Variants in DSE observed in about 807,000 individuals in gnomAD.
DSE encodes dermatan sulfate epimerase.
A neutral mutation model predicts 84.4 loss-of-function variants in DSE; 36 were observed. That is an observed-to-expected ratio of 0.43 (90% CI 0.33 to 0.56). The LOEUF (loss-of-function observed/expected upper bound fraction) is 0.56, where lower values mean the gene tolerates loss of function less well. Among genes scored for constraint, DSE ranks in the 20% least tolerant of loss-of-function variants. DSE has a pLI of 0.06. For missense variants in DSE, 862 were observed against 1,169.6 expected, an observed-to-expected ratio of 0.74 and a Z score of 3.84; for synonymous variants, 410 against 430.1, an observed-to-expected ratio of 0.95 and a Z score of 0.58.
At chr6:116,285,412 G>A (rs1773830159) in intron 2 of DSE, among the ~76,000 whole-genome samples, 1 of 152,098 alleles carries the variant, frequency 6.6e-6, no homozygotes, top group African/African-American at 2.4e-5. Context: ...TGTAGATTCT[G>A]GATACTAGCC....
At chr6:116,386,622 C>G (rs1235865869) in intron 1 of DSE, among the ~76,000 whole-genome samples, 2 of 152,310 alleles carry the variant, frequency 1.3e-5, no homozygotes, top group East Asian at 3.9e-4. Flanking sequence ...TTAGATGTGA[C>G]TGACTTCAGC....
At chr6:116,342,033 A>G (rs986412194) in intron 2 of DSE, among the ~76,000 whole-genome samples, 2 of 152,178 alleles carry the variant, frequency 1.3e-5, no homozygotes, top group African/African-American at 4.8e-5. Context: ...AGTTATTTGA[A>G]TGAAATAGAG....
intron 2 of DSE, among the ~76,000 whole-genome samples, chr6:116,281,435 A>G (rs1436260161): frequency 6.6e-6 from 1 of 152,208 alleles, no homozygotes; most frequent in East Asian, 1.9e-4. Flanking sequence ...CCTTGGATTA[A>G]GGTTTGGTTG....
intron 2 of DSE, among the ~76,000 whole-genome samples, chr6:116,414,850 A>G (rs1782596867): frequency 6.7e-6 from 1 of 149,774 alleles, no homozygotes; most frequent in African/African-American, 2.5e-5. Context: ...TAAGTTTTTT[A>G]TATGGTTATC....
At chr6:116,369,902 A>G, upstream of DSE, 1 of 1,289,278 alleles carries the variant, frequency 7.8e-7, no homozygotes, top group Non-Finnish European at 1.0e-6. Context: ...TGCTCCCAGT[A>G]AAATATCTCT....
intron 2 of DSE, among the ~76,000 whole-genome samples, chr6:116,420,055 G>A (rs17077944): frequency 0.011 from 1,722 of 152,262 alleles, 35 homozygotes; most frequent in African/African-American, 0.04. Flanking sequence ...GTTCTGAAAA[G>A]TACTAGGAAA....
At chr6:116,381,461 T>G (rs1287876285) in intron 1 of DSE, among the ~76,000 whole-genome samples, 1 of 152,126 alleles carries the variant, frequency 6.6e-6, no homozygotes, top group East Asian at 1.9e-4. Flanking sequence ...ATGGTGACTT[T>G]ATGATTTGTA....
intron 1 of DSE, among the ~76,000 whole-genome samples, chr6:116,382,117 A>G (rs928924352): frequency 6.6e-6 from 1 of 150,850 alleles, no homozygotes; most frequent in African/African-American, 2.4e-5. Flanking sequence ...ATATTGGAGT[A>G]GGGGTCTGCC....
At chr6:116,279,946 G>C in intron 2 of DSE, 4 of 1,470,460 alleles carry the variant, frequency 2.7e-6, no homozygotes, top group African/African-American at 2.8e-5. Context: ...TTCAGCGGCG[G>C]TGTCGTCAGG....
At chr6:116,272,340 G>C (rs1010839801) in intron 2 of DSE, among the ~76,000 whole-genome samples, 5 of 152,076 alleles carry the variant, frequency 3.3e-5, no homozygotes, top group African/African-American at 1.2e-4. Context: ...AAACATCTTT[G>C]GACACTTTAA....
At chr6:116,322,580 T>C (rs1776394786) in intron 2 of DSE, among the ~76,000 whole-genome samples, 1 of 151,520 alleles carries the variant, frequency 6.6e-6, no homozygotes, top group Non-Finnish European at 1.5e-5. Flanking sequence ...GATTTACCTT[T>C]GGGACCTGTT....
chr6:116,257,141 G>T (rs1772173857), intron 1 of DSE: 1 of 152,096 alleles, frequency 6.6e-6, no homozygotes, highest in African/African-American at 2.4e-5. Flanking sequence ...ATAGTTTCTG[G>T]TTCATTATTT....
At chr6:116,316,826 C>CTATTATTATTATTATTATTATTAT (rs5879374) in intron 2 of DSE, among the ~76,000 whole-genome samples, 2,088 of 145,852 alleles carry the variant, frequency 0.014, 44 homozygotes, top group African/African-American at 0.049. Flanking sequence ...ACTACTACTA[C>CTATTATTATTATTATTATTATTAT]TATTATTATT....
At chr6:116,431,622 A>G (rs1172833989) in intron 4 of DSE, among the ~76,000 whole-genome samples, 2 of 152,192 alleles carry the variant, frequency 1.3e-5, no homozygotes, top group African/African-American at 4.8e-5. Context: ...CTATACAGAC[A>G]TGATTCAAAA....
chr6:116,374,702 G>A (rs541991722), intron 1 of DSE, among the ~76,000 whole-genome samples: 2 of 152,282 alleles, frequency 1.3e-5, no homozygotes, highest in South Asian at 4.1e-4. Context: ...AGGTGATCCA[G>A]GACCTCACAT....
chr6:116,280,285 CG>C (rs1281009982), intron 2 of DSE: 2 of 222,506 alleles, frequency 9.0e-6, no homozygotes, highest in African/African-American at 4.5e-5. Context: ...TGTTACTCCA[CG>C]TAACTAGCAG....
At chr6:116,411,317 TAAATA>T (rs1316952111) in intron 2 of DSE, among the ~76,000 whole-genome samples, 1 of 152,180 alleles carries the variant, frequency 6.6e-6, no homozygotes, top group East Asian at 1.9e-4. Context: ...CCTGCTACAA[TAAATA>T]AATGAAGAAT....
intron 2 of DSE, chr6:116,279,319 TCC>T: frequency 6.2e-7 from 1 of 1,609,446 alleles, no homozygotes; most frequent in Non-Finnish European, 8.5e-7. Flanking sequence ...CTCAGCGCTC[TCC>T]CTCTCAGCCA....
At chr6:116,415,876 A>G (rs1378347804) in intron 2 of DSE, among the ~76,000 whole-genome samples, 1 of 152,220 alleles carries the variant, frequency 6.6e-6, no homozygotes, top group Non-Finnish European at 1.5e-5. Flanking sequence ...AAAAATGCAT[A>G]CAAATGCTGT....
Sources: allele counts gnomAD v4.1 joint callset (sites outside exome capture counted in the v4.1 genomes callset), GRCh38; gene constraint gnomAD v4.1.1; transcripts MANE v1.5; gene names NCBI Gene and HGNC (gene_info 2026-07-23, HGNC 2026-07-21).